The following BRF1 variants were observed in gnomAD, a reference collection of about 807,000 sequenced individuals.
The protein encoded by BRF1 is transcription factor IIIB 90 kDa subunit.
Under a neutral mutation model 81.7 loss-of-function variants are expected in BRF1, and 59 were observed. The ratio of observed to expected loss-of-function variants is 0.72; its 90% CI spans 0.59 to 0.90. The LOEUF is 0.90. Ranked by LOEUF, BRF1 falls within the 40% of genes least tolerant of loss-of-function variation. The probability of loss-of-function intolerance (pLI) is 0.00; values close to 1 mark genes in which losing one functional copy is unlikely to be tolerated. For synonymous variants in BRF1, 491 were observed against 395.6 expected, an observed-to-expected ratio of 1.24 and a Z score of -2.86; for missense variants, 1,050 against 936.3, an observed-to-expected ratio of 1.12 and a Z score of -1.58.
At chr14:105,299,191 G>A (rs777911494) in intron 1 of BRF1, among the ~76,000 whole-genome samples, 1 of 151,854 alleles carries the variant, frequency 6.6e-6, no homozygotes, top group Non-Finnish European at 1.5e-5. Context: ...AAAAACTTCT[G>A]CTTTGAAAAT....
intron 5 of BRF1, chr14:105,242,609 C>A (rs1033927706): frequency 2.0e-5 from 3 of 151,732 alleles, no homozygotes; most frequent in Non-Finnish European, 4.4e-5. Context: ...GTGGTGCATG[C>A]CTCTAGTCCC....
chr14:105,225,988 C>T, intron 10 of BRF1, 81 bp downstream of exon 10: 1 of 1,378,030 alleles, frequency 7.3e-7, no homozygotes, highest in Non-Finnish European at 1.0e-6. Flanking sequence ...CTTTCCAGGT[C>T]TTTTTCTGAT....
intron 7 of BRF1, chr14:105,228,219 T>C (rs1247455499): frequency 6.6e-6 from 1 of 152,382 alleles, no homozygotes; most frequent in Non-Finnish European, 1.5e-5. Context: ...GCCTCATGCC[T>C]GTTTGTGACT....
chr14:105,281,573 C>T (rs1240945746), intron 2 of BRF1, among the ~76,000 whole-genome samples: 2 of 151,744 alleles, frequency 1.3e-5, no homozygotes, highest in Non-Finnish European at 2.9e-5. Context: ...ACAGAGCCTG[C>T]GTGATCCTGA....
chr14:105,255,644 G>A (rs1473672), intron 4 of BRF1, among the ~76,000 whole-genome samples: 45 of 152,144 alleles, frequency 3.0e-4, no homozygotes, highest in African/African-American at 1.0e-3. Flanking sequence ...CCCCAGCACC[G>A]TCCCTGCAGA....
In BRF1 at chr14:105,249,033, A is replaced by C. The variant is rs587629356; in HGVS notation, c.544+3474T>G. ...GCCCGCGCCGCCCACACTCGGCAAC[A>C]ACCACCAGGAGAGCCCCGGCTGGCG... is the stretch of plus-strand genomic sequence containing the variant. On this transcript the variant is annotated intron_variant, in intron 5 of 17. Coordinates refer to ENST00000547530, the MANE Select transcript of BRF1 (RefSeq NM_001519.4). 219 of 1,201,982 alleles carry C rather than the reference A, an allele frequency of 1.8e-4. 2 individuals carry two copies. In the South Asian group the frequency reaches 6.3e-3, roughly 35 times the overall value. 74.5% of individuals were successfully genotyped at this position (1,201,982 alleles called of 1,614,324 possible).
At chr14:105,281,381 G>A (rs932194814) in intron 2 of BRF1, among the ~76,000 whole-genome samples, 1 of 144,820 alleles carries the variant, frequency 6.9e-6, no homozygotes. Context: ...CTGAGCCCGG[G>A]TGTGTGGATA....
chr14:105,268,789 G>A (rs1243595097), intron 3 of BRF1, among the ~76,000 whole-genome samples: 1 of 152,220 alleles, frequency 6.6e-6, no homozygotes, highest in Non-Finnish European at 1.5e-5. Flanking sequence ...GGGTGGAGGT[G>A]GGGTGGTGGG....
chr14:105,260,897 C>T (rs775345761), intron 3 of BRF1, among the ~76,000 whole-genome samples: 31 of 152,236 alleles, frequency 2.0e-4, no homozygotes, highest in Non-Finnish European at 1.6e-4. Flanking sequence ...TTCCCTCTGG[C>T]CAATCCCGGG....
At chr14:105,249,074 G>A (rs966237274) in intron 5 of BRF1, 4 of 1,370,522 alleles carry the variant, frequency 2.9e-6, no homozygotes, top group African/African-American at 3.1e-5. Flanking sequence ...GCCGCCCCAC[G>A]CTGCGCGAGA....
intron 2 of BRF1, among the ~76,000 whole-genome samples, chr14:105,274,962 C>G (rs587719489): frequency 1.3e-5 from 2 of 152,340 alleles, no homozygotes; most frequent in South Asian, 4.1e-4. Flanking sequence ...ATGGAGATTC[C>G]AGTTCCCACT....
chr14:105,214,644 A>C (rs1004930158), intron 15 of BRF1, among the ~76,000 whole-genome samples: 14 of 151,732 alleles, frequency 9.2e-5, no homozygotes, highest in African/African-American at 3.4e-4. Flanking sequence ...GAGATGGGCT[A>C]GGCAGCCACC....
rs941918086 is a variant in BRF1 at position 105,219,886 on chromosome 14, C to A, written c.1377+183G>T. On this transcript the variant is annotated intron_variant, in intron 12 of 17. Transcript: ENST00000547530. ...TCGACAGGCCGCCCCCGAGCCGACA[C>A]TGGAGAAGAGAGTGTGGGGGGGGGT... is the stretch of plus-strand genomic sequence containing the variant. 18 of 676,428 alleles carry A rather than the reference C, an allele frequency of 2.7e-5. No individual in the cohort carries two copies. The Middle Eastern group carries it at 1.9e-3, about 72-fold the overall frequency. The allele number at this position is 676,428 out of a possible 1,614,324, so 41.9% of individuals were successfully genotyped here. A position where few individuals can be genotyped will look rare whatever the true frequency, so the allele number is the denominator to read the frequency against.
intron 1 of BRF1, among the ~76,000 whole-genome samples, chr14:105,293,732 G>A (rs778238361): frequency 9.9e-5 from 15 of 152,178 alleles, no homozygotes; most frequent in Admixed American, 4.6e-4. Context: ...GTCTCTGCTC[G>A]GGTGCCCCGG....
intron 10 of BRF1, chr14:105,222,122 G>C (rs1892376776): frequency 3.7e-6 from 2 of 547,540 alleles, no homozygotes; most frequent in Non-Finnish European, 6.1e-6. Context: ...GACCTAGGGG[G>C]AGAGTTAAAG....
intron 7 of BRF1, 176 bp from the exon 8 acceptor site, chr14:105,226,936 C>G (rs1164491216): frequency 1.4e-6 from 1 of 729,166 alleles, no homozygotes; most frequent in Non-Finnish European, 2.1e-6. Flanking sequence ...CAGTGAGACT[C>G]TGTCTCTACC....
intron 2 of BRF1, among the ~76,000 whole-genome samples, chr14:105,278,580 TA>T (rs1294875202): frequency 6.6e-6 from 1 of 151,916 alleles, no homozygotes; most frequent in Admixed American, 6.6e-5. Flanking sequence ...GCCCTAACCA[TA>T]AAAACTGATA....
chr14:105,219,615 T>A (rs951970655), intron 12 of BRF1: 1 of 414,244 alleles, frequency 2.4e-6, no homozygotes, highest in African/African-American at 2.0e-5. Context: ...CACGTGGCCA[T>A]GAAATCAGGG....
In BRF1 at chr14:105,287,940, C is replaced by T. The variant is rs373835628; in HGVS notation, c.185-1564G>A. ...GGCAGCAGAGGCAAAGCCCGGGCCT[C>T]CTTCAGGCTGAGGCCCAGAGCCGGC... On this transcript the variant is annotated intron_variant, in intron 1 of 17. Transcript: ENST00000547530. Among the ~76,000 whole-genome samples the T allele has an allele frequency of 1.2e-4, 18 of 152,340 alleles. No individual in the cohort carries two copies. In the East Asian group the frequency reaches 2.3e-3, roughly 20 times the overall value.
Sources: allele counts gnomAD v4.1 joint callset (sites outside exome capture counted in the v4.1 genomes callset), GRCh38; gene constraint gnomAD v4.1.1; transcripts MANE v1.5; gene names NCBI Gene and HGNC (gene_info 2026-07-23, HGNC 2026-07-21).